MYH15: variants seen among roughly 807,000 people sequenced by gnomAD.
MYH15 encodes the protein myosin heavy chain 15.
Under a neutral mutation model 240.5 loss-of-function variants are expected in MYH15, and 227 were observed. The observed-to-expected ratio is 0.94, with a 90% confidence interval of 0.85 to 1.05. The LOEUF (loss-of-function observed/expected upper bound fraction) is 1.05, where lower values mean the gene tolerates loss of function less well. MYH15 is among the 50% of genes least tolerant of loss of function. The pLI, the probability that MYH15 is intolerant of heterozygous loss-of-function variation, is 0.00. For missense variants in MYH15, 2,217 were observed against 2,247.5 expected (o/e 0.99, Z 0.27); for synonymous variants, 785 against 796.7 (o/e 0.99, Z 0.25).
chr3:108,476,402 C>A lies in MYH15; in HGVS notation c.1228G>T (p.Glu410Ter). ...NEYVTRGQTI[E>*]QVTCAVGALS... ...CTCTTGAAATATCACCTTACCTGTT[C>A]TATAGTTTGACCTCTGGTAACATAT... Residue 410 changes from glutamate (E) to a stop codon, truncating the protein, a stop_gained, in exon 12 of 41, where the codon GAA (glutamate) becomes TAA (stop). Coordinates refer to ENST00000693548, the MANE Select transcript of MYH15 (RefSeq NM_014981.3). LOFTEE classifies it high-confidence loss of function. The A allele has an allele frequency of 6.4e-7, 1 of 1,559,986 alleles. No homozygotes were observed.
At position 108,421,083 on chromosome 3, in the gene MYH15, C is replaced by T. The variant is rs377023652; in HGVS notation, c.3829+5G>A. 6.2e-7 allele frequency: 1 copy of T among 1,613,880 alleles called. No individual in the cohort carries two copies. Among genetic ancestry groups the T allele is most frequent in the Non-Finnish European group, 8.5e-7 (1 of 1,179,908 alleles). ...GCCTATGAGTCAAGCAGCATACTTA[C>T]TTACCACTCTCACTCCACAGCTTTG... On this transcript the variant is annotated splice_donor_5th_base_variant and intron_variant, in intron 28 of 40. Coordinates refer to ENST00000693548, the MANE Select transcript of MYH15 (RefSeq NM_014981.3).
At chr3:108,490,416 T>C (rs1168573057) in intron 9 of MYH15, among the ~76,000 whole-genome samples, 3 of 152,320 alleles carry the variant, frequency 2.0e-5, no homozygotes, top group East Asian at 1.9e-4. Flanking sequence ...TGTGGGAGCA[T>C]TGTTGTCCTC....
At chr3:108,455,615 G>T in intron 20 of MYH15, 121 bp downstream of exon 20, 1 of 1,135,590 alleles carries the variant, frequency 8.8e-7, no homozygotes, top group Non-Finnish European at 1.3e-6. Flanking sequence ...AGATCTGTTT[G>T]TGATATTTAT....
At chr3:108,406,808 G>C (rs576943781) in intron 32 of MYH15, among the ~76,000 whole-genome samples, 47 of 152,284 alleles carry the variant, frequency 3.1e-4, no homozygotes, top group Non-Finnish European at 5.9e-4. Flanking sequence ...TGGCCTTCCT[G>C]TCATTCTCAC....
intron 12 of MYH15, among the ~76,000 whole-genome samples, chr3:108,473,299 G>A (rs1484037509): frequency 6.6e-6 from 1 of 152,144 alleles, no homozygotes; most frequent in Non-Finnish European, 1.5e-5. Context: ...GTGAGCCACC[G>A]TGCCCAGCCA....
intron 36 of MYH15, among the ~76,000 whole-genome samples, chr3:108,392,866 T>C (rs944831817): frequency 6.6e-6 from 1 of 152,248 alleles, no homozygotes; most frequent in Non-Finnish European, 1.5e-5. Context: ...TGGATTTTCA[T>C]AAATGTTACA....
chr3:108,492,049 T>C (rs1323558333), intron 9 of MYH15, among the ~76,000 whole-genome samples: 2 of 152,060 alleles, frequency 1.3e-5, no homozygotes, highest in East Asian at 3.9e-4. Flanking sequence ...GAGACCAGCC[T>C]GGCCAACATG....
upstream of MYH15, among the ~76,000 whole-genome samples, chr3:108,532,776 G>A (rs2083720504): frequency 6.6e-6 from 1 of 152,172 alleles, no homozygotes; most frequent in Non-Finnish European, 1.5e-5. Context: ...AACCCTTGTT[G>A]TTTAAGAGAA....
At chr3:108,518,432 G>A (rs1459487852) in intron 1 of MYH15, among the ~76,000 whole-genome samples, 1 of 152,134 alleles carries the variant, frequency 6.6e-6, no homozygotes, top group Admixed American at 6.5e-5. Flanking sequence ...GCGTATTGCT[G>A]TATTCTCTCA....
At chr3:108,528,789 C>A (rs1576284616) in intron 1 of MYH15, among the ~76,000 whole-genome samples, 1 of 152,190 alleles carries the variant, frequency 6.6e-6, no homozygotes, top group Admixed American at 6.5e-5. Flanking sequence ...ACACTATAGA[C>A]CATGCTCTTA....
intron 9 of MYH15, among the ~76,000 whole-genome samples, chr3:108,492,147 C>G (rs939065921): frequency 6.6e-6 from 1 of 151,762 alleles, no homozygotes; most frequent in African/African-American, 2.4e-5. Flanking sequence ...CTCCCCTGGT[C>G]CTTATCTATA....
At chr3:108,399,781 T>C (rs116828231) in intron 33 of MYH15, among the ~76,000 whole-genome samples, 1 of 152,228 alleles carries the variant, frequency 6.6e-6, no homozygotes, top group African/African-American at 2.4e-5. Flanking sequence ...TCTCCTAGAA[T>C]AAAATGGTTA....
intron 36 of MYH15, 115 bp from the exon 37 acceptor site, chr3:108,392,045 G>A (rs1302147759): frequency 2.2e-5 from 25 of 1,131,612 alleles, no homozygotes; most frequent in Non-Finnish European, 3.1e-5. Flanking sequence ...CTCTATGTAT[G>A]TGATCTCTTC....
At chr3:108,463,463 T>C (rs561477307) in intron 15 of MYH15, among the ~76,000 whole-genome samples, 1 of 151,990 alleles carries the variant, frequency 6.6e-6, no homozygotes, top group Non-Finnish European at 1.5e-5. Context: ...TATAGGCACA[T>C]GCCACCATGC....
Position 108,505,794 on chromosome 3 carries a change from C to A in MYH15, c.124G>T (p.Ala42Ser), listed in dbSNP as rs771555483. Residue 42 changes from alanine (A) to serine (S), a missense_variant, in exon 2 of 41, where the codon GCT becomes TCT. Transcript: ENST00000693548. ...CCTTTTACCTCAGCCTCGATATAAGCATTCTCACCATCAGGAATCCAGCAT... is the reference window on the plus strand; with the variant it reads ...CCTTTTACCTCAGCCTCGATATAAGAATTCTCACCATCAGGAATCCAGCAT... ...KKCWIPDGEN[A>S]YIEAEVKGSE... 1.9e-6 allele frequency: 3 copies of A among 1,610,548 alleles called. No individual in the cohort carries two copies. Among genetic ancestry groups the A allele is most frequent in the Non-Finnish European group, 1.7e-6 (2 of 1,179,058 alleles).
At chr3:108,509,364 C>G (rs1349569822) in intron 1 of MYH15, among the ~76,000 whole-genome samples, 1 of 152,064 alleles carries the variant, frequency 6.6e-6, no homozygotes, top group Non-Finnish European at 1.5e-5. Context: ...TCACTATTAT[C>G]TTGTCCTCCA....
At chr3:108,517,788 C>T (rs1016636365) in intron 1 of MYH15, among the ~76,000 whole-genome samples, 19 of 152,116 alleles carry the variant, frequency 1.2e-4, no homozygotes, top group African/African-American at 4.6e-4. Flanking sequence ...TAAATTCTGT[C>T]ATGCATTCAT....
chr3:108,547,834 T>G, the MYH15 span, among the ~76,000 whole-genome samples: 1 of 152,126 alleles, frequency 6.6e-6, no homozygotes, highest in Non-Finnish European at 1.5e-5. Context: ...TCAACAATAC[T>G]AAAAGTAGCA....
At chr3:108,412,631 T>C (rs560125784) in intron 30 of MYH15, among the ~76,000 whole-genome samples, 1 of 152,358 alleles carries the variant, frequency 6.6e-6, no homozygotes, top group East Asian at 1.9e-4. Flanking sequence ...ATTTTGCTCC[T>C]TAACTTGCCA....
Sources: allele counts gnomAD v4.1 joint callset (sites outside exome capture counted in the v4.1 genomes callset), GRCh38; gene constraint gnomAD v4.1.1; transcripts MANE v1.5; gene names NCBI Gene and HGNC (gene_info 2026-07-23, HGNC 2026-07-21).